The following TNKS variants were observed in gnomAD, a reference collection of about 807,000 sequenced individuals.
The protein encoded by TNKS is tankyrase, also known as poly [ADP-ribose] polymerase tankyrase-1.
A neutral mutation model predicts 135.8 loss-of-function variants in TNKS; 72 were observed. The observed-to-expected ratio is 0.53, with a 90% CI of 0.44 to 0.64. TNKS has a LOEUF of 0.64. Ranked by LOEUF, TNKS falls within the 30% of genes least tolerant of loss-of-function variation. TNKS has a pLI of 0.00. For synonymous variants in TNKS, 849 were observed against 649.3 expected, an observed-to-expected ratio of 1.31 and a Z score of -4.68; for missense variants, 1,769 against 1,674.0, an observed-to-expected ratio of 1.06 and a Z score of -0.99.
chr8:9,646,905 T>G (rs151021763), intron 3 of TNKS, among the ~76,000 whole-genome samples: 62 of 152,252 alleles, frequency 4.1e-4, no homozygotes, highest in African/African-American at 1.4e-3. Context: ...TATGCGACTT[T>G]AAAACTCTTT....
At position 9,635,324 on chromosome 8, in the gene TNKS, C is replaced by A. The variant is rs140343675; in HGVS notation, c.994+19647C>A. On this transcript the variant is annotated intron_variant, in intron 3 of 26. Transcript: ENST00000310430. Reference sequence around the variant, plus strand: ...TCATAATAGTGATGGATTGTATAGCCCATTGTATGAAATAGGAATTCTTCA... The same window carrying A: ...TCATAATAGTGATGGATTGTATAGCACATTGTATGAAATAGGAATTCTTCA... Among the ~76,000 whole-genome samples the A allele has an allele frequency of 6.6e-5, 10 of 152,180 alleles. No individual in the cohort carries two copies. The East Asian group carries it at 1.9e-3, about 29-fold the overall frequency.
chr8:9,663,904 C>T (rs1801856570), intron 3 of TNKS, among the ~76,000 whole-genome samples: 1 of 152,116 alleles, frequency 6.6e-6, no homozygotes, highest in African/African-American at 2.4e-5. Context: ...CAACCCTGTC[C>T]CTTGGGGTTT....
At chr8:9,650,470 A>G (rs2128780859) in intron 3 of TNKS, among the ~76,000 whole-genome samples, 1 of 152,214 alleles carries the variant, frequency 6.6e-6, no homozygotes, top group East Asian at 1.9e-4. Flanking sequence ...CCATATCCAC[A>G]CCAACATCTG....
intron 3 of TNKS, among the ~76,000 whole-genome samples, chr8:9,636,682 G>A (rs1278964288): frequency 6.6e-6 from 1 of 152,088 alleles, no homozygotes. Flanking sequence ...TGATATCTGT[G>A]TCATTTTGTC....
At chr8:9,650,972 C>T (rs1389579335) in intron 3 of TNKS, among the ~76,000 whole-genome samples, 1 of 152,116 alleles carries the variant, frequency 6.6e-6, no homozygotes, top group Admixed American at 6.6e-5. Context: ...AGTCTTTGAT[C>T]CATCTGGAAT....
chr8:9,709,682 T>C (rs1374664542), intron 9 of TNKS, among the ~76,000 whole-genome samples: 1 of 152,198 alleles, frequency 6.6e-6, no homozygotes, highest in Non-Finnish European at 1.5e-5. Flanking sequence ...CCATGGAATA[T>C]ATAGTGAATA....
At chr8:9,625,001 A>T (rs1441032523) in intron 3 of TNKS, among the ~76,000 whole-genome samples, 1 of 152,170 alleles carries the variant, frequency 6.6e-6, no homozygotes, top group Non-Finnish European at 1.5e-5. Context: ...ACAGATACAT[A>T]GGGCCAACTG....
rs145197686 is a variant in TNKS at position 9,757,973 on chromosome 8, C to T, written c.3154-3543C>T. 2.7e-3 allele frequency among the ~76,000 whole-genome samples: 411 copies of T among 152,236 alleles called. 1 individual carries two copies. The highest frequency in any genetic ancestry group is 9.4e-3 in the African/African-American group (391 of 41,518). ...AAATTGGACACCATGTAACTCACTG[C>T]GACTAAATTTAACGCTTAATCATGT... is the stretch of plus-strand genomic sequence containing the variant. On this transcript the variant is annotated intron_variant, in intron 20 of 26. Transcript: ENST00000310430.
intron 3 of TNKS, among the ~76,000 whole-genome samples, chr8:9,629,453 A>G (rs1030430345): frequency 1.3e-5 from 2 of 152,230 alleles, no homozygotes; most frequent in African/African-American, 4.8e-5. Context: ...TTGGAAAAAC[A>G]TTCAGACTTT....
Position 9,735,238 on chromosome 8 carries a change from C to T in TNKS, c.2534-139C>T, listed in dbSNP as rs952392224. 5 of 1,064,994 alleles carry T rather than the reference C, an allele frequency of 4.7e-6. No individual in the cohort carries two copies. In the Admixed American group the frequency reaches 1.4e-4, roughly 29 times the overall value. 66.0% of individuals were successfully genotyped at this position (1,064,994 alleles called of 1,614,324 possible). A position where few individuals can be genotyped will look rare whatever the true frequency, so the allele number is the denominator to read the frequency against. ...TTGTATAATTTCTTATTGTGAAGTCCCTCCATTATGTGATAACAGTATTAG... is the reference window on the plus strand; with the variant it reads ...TTGTATAATTTCTTATTGTGAAGTCTCTCCATTATGTGATAACAGTATTAG... On this transcript the variant is annotated intron_variant, in intron 16 of 26. Coordinates refer to ENST00000310430, the MANE Select transcript of TNKS (RefSeq NM_003747.3).
intron 1 of TNKS, among the ~76,000 whole-genome samples, chr8:9,570,488 T>C (rs980927643): frequency 2.0e-5 from 3 of 152,204 alleles, no homozygotes; most frequent in Non-Finnish European, 2.9e-5. Context: ...AATTACCACA[T>C]GGCCCAGTGG....
chr8:9,764,797 T>A lies in TNKS; in HGVS notation c.3447+7T>A. 6.3e-7 allele frequency: 1 copy of A among 1,582,012 alleles called. No individual in the cohort carries two copies. Among genetic ancestry groups the A allele is most frequent in the Non-Finnish European group, 8.6e-7 (1 of 1,166,408 alleles). ...CAGATACAATGTCATTCGAGTAAGT[T>A]TTTAAAGTTTCATGGTGAAAACTGG... On this transcript the variant is annotated splice_region_variant and intron_variant, in intron 23 of 26. Transcript: ENST00000310430.
rs1463617598 is a variant in TNKS, at chr8:9,779,255, G to C, written c.*2519G>C. 6.6e-6 allele frequency: 1 copy of C among 152,394 alleles called. No individual in the cohort carries two copies. The highest frequency in any genetic ancestry group is 2.4e-5 in the African/African-American group (1 of 41,378). 9.4% of individuals were successfully genotyped at this position (152,394 alleles called of 1,614,324 possible). On this transcript the variant is annotated 3_prime_UTR_variant, in exon 27 of 27. Transcript: ENST00000310430. ...AGTTAGGACAAGTTTATTACATTTG[G>C]GATTTTCATCTGTAGCCGTATGAAG...
intron 26 of TNKS, among the ~76,000 whole-genome samples, chr8:9,771,709 A>T (rs545160503): frequency 1.1e-4 from 11 of 103,216 alleles, no homozygotes; most frequent in Non-Finnish European, 2.2e-4. Context: ...GGAAGGGAGA[A>T]AGCGAGAGAG....
At chr8:9,648,867 G>A (rs897014122) in intron 3 of TNKS, among the ~76,000 whole-genome samples, 1 of 151,834 alleles carries the variant, frequency 6.6e-6, no homozygotes, top group Non-Finnish European at 1.5e-5. Flanking sequence ...CCATTGCGAT[G>A]ACAGAGGGGT....
chr8:9,668,565 A>G (rs1802113108), intron 3 of TNKS, among the ~76,000 whole-genome samples: 1 of 152,242 alleles, frequency 6.6e-6, no homozygotes, highest in Non-Finnish European at 1.5e-5. Flanking sequence ...CTTGCCTAAA[A>G]TTTTAAAACT....
At chr8:9,590,008 T>G (rs1160911476) in intron 2 of TNKS, among the ~76,000 whole-genome samples, 2 of 152,176 alleles carry the variant, frequency 1.3e-5, no homozygotes, top group Non-Finnish European at 2.9e-5. Context: ...AGCTAAGAGA[T>G]AAGATTGCTA....
chr8:9,581,798 C>G (rs980983355), intron 2 of TNKS, among the ~76,000 whole-genome samples: 2 of 152,112 alleles, frequency 1.3e-5, no homozygotes, highest in African/African-American at 4.8e-5. Context: ...CTTTGAATAT[C>G]TTATTGAAAT....
At chr8:9,760,487 G>C (rs1807089821) in intron 20 of TNKS, among the ~76,000 whole-genome samples, 1 of 152,154 alleles carries the variant, frequency 6.6e-6, no homozygotes, top group African/African-American at 2.4e-5. Flanking sequence ...GTTAAAAAGT[G>C]GAAAAAAGCG....
Sources: allele counts gnomAD v4.1 joint callset (sites outside exome capture counted in the v4.1 genomes callset), GRCh38; gene constraint gnomAD v4.1.1; transcripts MANE v1.5; gene names NCBI Gene and HGNC (gene_info 2026-07-23, HGNC 2026-07-21).